The following KCNV1 variants were observed in gnomAD, a reference collection of about 807,000 sequenced individuals.
KCNV1 encodes potassium voltage-gated channel subfamily V member 1.
In KCNV1, 2 loss-of-function variants were observed where a neutral mutation model predicts 36.4. The observed-to-expected ratio is 0.05, with a 90% CI of 0.02 to 0.17. KCNV1 has a LOEUF of 0.17. Among genes scored for constraint, KCNV1 ranks in the 10% least tolerant of loss-of-function variants. The probability of loss-of-function intolerance (pLI) is 1.00; values close to 1 mark genes in which losing one functional copy is unlikely to be tolerated. For missense variants in KCNV1, 321 were observed against 643.6 expected, an observed-to-expected ratio of 0.50 and a Z score of 5.42; for synonymous variants, 280 against 261.1, an observed-to-expected ratio of 1.07 and a Z score of -0.70.
Position 109,965,980 on chromosome 8 carries a change from C to G in KCNV1, c.*2108G>C, listed in dbSNP as rs899706178. 2.0e-5 allele frequency: 3 copies of G among 152,150 alleles called. No homozygotes were observed. The highest frequency in any genetic ancestry group is 4.4e-5 in the Non-Finnish European group (3 of 68,026). 9.4% of individuals were successfully genotyped at this position (152,150 alleles called of 1,614,324 possible). A position where few individuals can be genotyped will look rare whatever the true frequency, so the allele number is the denominator to read the frequency against. On this transcript the variant is annotated 3_prime_UTR_variant, in exon 4 of 4. Coordinates refer to ENST00000524391, the MANE Select transcript of KCNV1 (RefSeq NM_014379.4). ...TGTTTCAGTTTCGCTGTCTTTTCCTCACACACCTTTGAACAGAATATTAAC... is the reference window on the plus strand; with the variant it reads ...TGTTTCAGTTTCGCTGTCTTTTCCTGACACACCTTTGAACAGAATATTAAC...
rs1285959269 is a variant in KCNV1, at chr8:109,968,950, A to G, written c.992-351T>C. ...AGGAGTTTTGTACTTTAGTCTGTAC[A>G]ATAAGAGGCCTTTGCGGTGTTGCAT... On this transcript the variant is annotated intron_variant, in intron 3 of 3. Transcript: ENST00000524391. The surrounding 1 kb of genome is among the most constrained non-coding windows in gnomAD (Gnocchi z 5.3). 6.6e-6 allele frequency among the ~76,000 whole-genome samples: 1 copy of G among 152,204 alleles called. No homozygotes were observed. Among genetic ancestry groups the G allele is most frequent in the Non-Finnish European group, 1.5e-5 (1 of 68,032 alleles).
rs1427370051 is a variant in KCNV1, at chr8:109,965,785, G to A, written c.*2303C>T. ...TATTGAACTTCTCCATGCACAAGAA[G>A]TTGGCTTGCCTGCCTAAAAAATAAA... On this transcript the variant is annotated 3_prime_UTR_variant, in exon 4 of 4. Transcript: ENST00000524391. 6.6e-6 allele frequency: 1 copy of A among 152,206 alleles called. No homozygotes were observed. Among genetic ancestry groups the A allele is most frequent in the Non-Finnish European group, 1.5e-5 (1 of 68,044 alleles). The allele number at this position is 152,206 out of a possible 1,614,324, so 9.4% of individuals were successfully genotyped here. A position where few individuals can be genotyped will look rare whatever the true frequency, so the allele number is the denominator to read the frequency against.
rs560549556 is a variant in KCNV1, at chr8:109,966,813, C to G, written c.*1275G>C. The G allele has an allele frequency of 5.3e-5, 8 of 152,272 alleles. No individual in the cohort carries two copies. Among genetic ancestry groups the G allele is most frequent in the South Asian group, 2.1e-4 (1 of 4,830 alleles). The allele number at this position is 152,272 out of a possible 1,614,324, so 9.4% of individuals were successfully genotyped here. On this transcript the variant is annotated 3_prime_UTR_variant, in exon 4 of 4. Transcript: ENST00000524391. ...TCACCCCCATGAAATGTTAATACCA[C>G]AGATATACTCAATATGCTTATCTGT...
chr8:109,971,632 A>T (rs536257316), intron 3 of KCNV1, among the ~76,000 whole-genome samples: 15 of 151,938 alleles, frequency 9.9e-5, no homozygotes, highest in Non-Finnish European at 1.9e-4. Flanking sequence ...TCTCTCATAC[A>T]TCCCAGGTTA....
intron 1 of KCNV1, among the ~76,000 whole-genome samples, 155 bp downstream of exon 1, chr8:109,975,464 G>A (rs1461317158): frequency 6.6e-6 from 1 of 152,108 alleles, no homozygotes; most frequent in Non-Finnish European, 1.5e-5. Context: ...AATTTAAATA[G>A]TAACGACGGC....
intron 1 of KCNV1, 96 bp from the exon 2 acceptor site, chr8:109,975,288 C>T (rs1820068143): frequency 6.6e-6 from 1 of 152,394 alleles, no homozygotes; most frequent in East Asian, 1.9e-4. Flanking sequence ...CCCACCCTGT[C>T]GAGGGTCCAC....
Position 109,972,881 on chromosome 8 carries a change from T to G in KCNV1, c.462-94A>C. The G allele has an allele frequency of 2.1e-6, 2 of 961,716 alleles. No homozygotes were observed. Among genetic ancestry groups the G allele is most frequent in the African/African-American group, 1.6e-5 (1 of 60,946 alleles). 59.6% of individuals were successfully genotyped at this position (961,716 alleles called of 1,614,324 possible). ...ATGGCAGGGAGGTCAGACTTTTTCA[T>G]TCAACAAAATGCAGAAAAATGTCTA... On this transcript the variant is annotated intron_variant, in intron 2 of 3. Coordinates refer to ENST00000524391, the MANE Select transcript of KCNV1 (RefSeq NM_014379.4). This position sits in a 1 kb window ranked among gnomAD's most constrained non-coding sequence, Gnocchi z 5.2.
chr8:109,973,899 C>T (rs1368511841), intron 2 of KCNV1, 29 bp downstream of exon 2: 5 of 1,533,700 alleles, frequency 3.3e-6, no homozygotes, highest in Non-Finnish European at 3.5e-6. Flanking sequence ...CCCGCCTCCC[C>T]GCCCAGCCGC....
At position 109,974,104 on chromosome 8, in the gene KCNV1, G is replaced by A. The variant is rs1163832766; in HGVS notation, c.285C>T (p.Asn95=). The A allele has an allele frequency of 5.0e-6, 8 of 1,613,076 alleles. No homozygotes were observed. The highest frequency in any genetic ancestry group is 6.8e-6 in the Non-Finnish European group (8 of 1,179,790). ...CGAAGAAGTACTCGTTGTCCACGGG[G>A]TTGGCATCGTCGCAAAGCTCCAGAG... ...PSPLELCDDA[N]PVDNEYFFDR... is the part of the protein sequence containing the mutation. Residue 95 remains asparagine, a synonymous_variant, in exon 2 of 4, where the codon AAC becomes AAT. Transcript: ENST00000524391. The surrounding 1 kb of genome is among the most constrained non-coding windows in gnomAD (Gnocchi z 6.2).
Position 109,967,981 on chromosome 8 carries a change from T to G in KCNV1, c.*107A>C. The G allele has an allele frequency of 9.2e-7, 1 of 1,081,398 alleles. No homozygotes were observed. The highest frequency in any genetic ancestry group is 1.3e-6 in the Non-Finnish European group (1 of 763,656). 67.0% of individuals were successfully genotyped at this position (1,081,398 alleles called of 1,614,324 possible). On this transcript the variant is annotated 3_prime_UTR_variant, in exon 4 of 4. Coordinates refer to ENST00000524391, the MANE Select transcript of KCNV1 (RefSeq NM_014379.4). ...ATATATCAGCAAAAATTAATTAAGATGAGCAGTACTCTGAAGAGACTCATC... is the reference window on the plus strand; with the variant it reads ...ATATATCAGCAAAAATTAATTAAGAGGAGCAGTACTCTGAAGAGACTCATC...
Position 109,970,673 on chromosome 8 carries a change from T to TG in KCNV1, c.991+1584dup, listed in dbSNP as rs549129404. ...AGTGTTGAGGCAAAATTGTCAAATA[T>TG]GCAAGTCACATATTTTTTAATAATT... On this transcript the variant is annotated intron_variant, in intron 3 of 3. Transcript: ENST00000524391. Among the ~76,000 whole-genome samples, 127 of 152,330 alleles carry TG rather than the reference T, an allele frequency of 8.3e-4. 1 individual carries two copies. The highest frequency in any genetic ancestry group is 2.9e-3 in the African/African-American group (122 of 41,576).
chr8:109,973,802 G>A, intron 2 of KCNV1, 126 bp downstream of exon 2: 1 of 366,716 alleles, frequency 2.7e-6, no homozygotes. Context: ...GCCCAGAAGT[G>A]GCCACACCTT....
chr8:109,973,012 C>G (rs559204269), intron 2 of KCNV1, among the ~76,000 whole-genome samples: 1 of 141,356 alleles, frequency 7.1e-6, no homozygotes, highest in Non-Finnish European at 1.5e-5. Context: ...GAGTCTTGCT[C>G]TGTCGCCCAG....
chr8:109,970,530 G>A (rs995386300), intron 3 of KCNV1, among the ~76,000 whole-genome samples: 2 of 152,088 alleles, frequency 1.3e-5, no homozygotes, highest in African/African-American at 4.8e-5. Context: ...AAGCTACAGA[G>A]CCAGGATTTA....
intron 3 of KCNV1, among the ~76,000 whole-genome samples, chr8:109,971,671 A>G (rs1430918334): frequency 6.6e-6 from 1 of 151,874 alleles, no homozygotes; most frequent in Non-Finnish European, 1.5e-5. Flanking sequence ...GATACTAGAT[A>G]AAGCATTTAA....
In KCNV1 at chr8:109,967,301, C is replaced by A. The variant is rs1283009908; in HGVS notation, c.*787G>T. ...CATTATTTTAAAGCCATAATGTGAA[C>A]AATACATCCATAAAGAGACATTTAA... On this transcript the variant is annotated 3_prime_UTR_variant, in exon 4 of 4. Transcript: ENST00000524391. The A allele has an allele frequency of 6.6e-6, 1 of 152,040 alleles. No homozygotes were observed. Among genetic ancestry groups the A allele is most frequent in the Non-Finnish European group, 1.5e-5 (1 of 68,018 alleles). 9.4% of individuals were successfully genotyped at this position (152,040 alleles called of 1,614,324 possible). A position where few individuals can be genotyped will look rare whatever the true frequency, so the allele number is the denominator to read the frequency against.
rs1158647357 is a variant in KCNV1, at chr8:109,963,737, TC to T, written c.*4350del. On this transcript the variant is annotated 3_prime_UTR_variant, in exon 4 of 4. Coordinates refer to ENST00000524391, the MANE Select transcript of KCNV1 (RefSeq NM_014379.4). ...CTACCTCAGTTATTTTTGCATCTAATCCATTATACTTGATACTACTTTGCAT... is the reference window on the plus strand; with the variant it reads ...CTACCTCAGTTATTTTTGCATCTAATCATTATACTTGATACTACTTTGCAT... The T allele has an allele frequency of 1.3e-5, 2 of 152,162 alleles. No homozygotes were observed. The highest frequency in any genetic ancestry group is 2.9e-5 in the Non-Finnish European group (2 of 68,032). 9.4% of individuals were successfully genotyped at this position (152,162 alleles called of 1,614,324 possible). A position where few individuals can be genotyped will look rare whatever the true frequency, so the allele number is the denominator to read the frequency against.
At chr8:109,973,893 C>T in intron 2 of KCNV1, 35 bp downstream of exon 2, 1 of 1,514,690 alleles carries the variant, frequency 6.6e-7, no homozygotes, top group Non-Finnish European at 8.9e-7. Flanking sequence ...GCCGCGCCCG[C>T]CTCCCCGCCC....
Position 109,974,280 on chromosome 8 carries a change from G to A in KCNV1, c.109C>T (p.Leu37Phe). Residue 37 changes from leucine (L) to phenylalanine (F), a missense_variant, in exon 2 of 4, where the codon CTC becomes TTC. Leu to Phe is a conservative substitution (Grantham distance 22). This residue lies in a region of KCNV1 where 39 missense variants were observed against 50.8 expected (regional missense o/e 0.77). Coordinates refer to ENST00000524391, the MANE Select transcript of KCNV1 (RefSeq NM_014379.4). The surrounding 1 kb of genome is among the most constrained non-coding windows in gnomAD (Gnocchi z 6.2). ...CSEGEGEPLA[L>F]GDCFTVNVGG... ...ACGTTGACCGTGAAGCAGTCCCCGAGCGCCAAGGGCTCCCCTTCACCCTCG... is the reference window on the plus strand; with the variant it reads ...ACGTTGACCGTGAAGCAGTCCCCGAACGCCAAGGGCTCCCCTTCACCCTCG... The A allele has an allele frequency of 1.3e-6, 2 of 1,548,984 alleles. No individual in the cohort carries two copies. The highest frequency in any genetic ancestry group is 1.7e-6 in the Non-Finnish European group (2 of 1,149,612).
Sources: allele counts gnomAD v4.1 joint callset (sites outside exome capture counted in the v4.1 genomes callset), GRCh38; gene constraint gnomAD v4.1.1; regional missense constraint gnomAD v4.1.1; non-coding constraint Gnocchi (gnomAD v3.1); transcripts MANE v1.5; gene names NCBI Gene and HGNC (gene_info 2026-07-23, HGNC 2026-07-21).